HEATR4: variants seen among roughly 807,000 people sequenced by gnomAD.
HEATR4 encodes the protein HEAT repeat containing 4, also known as HEAT repeat-containing protein 4.
HEATR4 carries 95 observed loss-of-function variants against 108.8 expected under a neutral mutation model. The ratio of observed to expected loss-of-function variants is 0.87; its 90% CI spans 0.74 to 1.04. The LOEUF (loss-of-function observed/expected upper bound fraction) is 1.04, where lower values mean the gene tolerates loss of function less well. HEATR4 is among the 50% of genes least tolerant of loss of function. The pLI is 0.00. For missense variants in HEATR4, 1,152 were observed against 1,253.8 expected (o/e 0.92, Z 1.23); for synonymous variants, 443 against 459.4 (o/e 0.96, Z 0.46).
At chr14:73,527,787 G>A (rs901061759) in intron 2 of HEATR4, among the ~76,000 whole-genome samples, 1 of 151,588 alleles carries the variant, frequency 6.6e-6, no homozygotes, top group Non-Finnish European at 1.5e-5. Flanking sequence ...AGACCAGCCC[G>A]GCCAACATGG....
At chr14:73,569,922 T>C in the HEATR4 span, 1 of 1,577,626 alleles carries the variant, frequency 6.3e-7, no homozygotes, top group Non-Finnish European at 8.6e-7. Context: ...TTCGTTCGCC[T>C]TTCACTTTGT....
At chr14:73,506,229 T>C (rs1269301847) in intron 10 of HEATR4, among the ~76,000 whole-genome samples, 1 of 152,184 alleles carries the variant, frequency 6.6e-6, no homozygotes, top group East Asian at 1.9e-4. Context: ...TTTTGTGCTA[T>C]TTCATTGTGG....
At position 73,554,840 on chromosome 14, in the gene HEATR4, T is replaced by A. The variant is rs1230286560; in HGVS notation, c.-152+3911A>T. Among the ~76,000 whole-genome samples the A allele has an allele frequency of 1.8e-5, 2 of 113,914 alleles. 1 individual carries two copies. The highest frequency in any genetic ancestry group is 3.8e-5 in the Non-Finnish European group (2 of 52,114). 74.7% of individuals were successfully genotyped at this position (113,914 alleles called of 152,430 possible). A position where few individuals can be genotyped will look rare whatever the true frequency, so the allele number is the denominator to read the frequency against. ...AAAACCCTTATCAACAAGTGTACAA[T>A]ACTTATCTGAAACTATACGTTTAGA... On this transcript the variant is annotated intron_variant, in intron 1 of 17. Transcript: ENST00000553558.
chr14:73,621,975 C>G, the HEATR4 span, among the ~76,000 whole-genome samples: 2 of 151,874 alleles, frequency 1.3e-5, no homozygotes, highest in African/African-American at 2.4e-5. Flanking sequence ...GTTGCCCGGG[C>G]TGGTCTCCAA....
chr14:73,602,664 CA>C, the HEATR4 span, among the ~76,000 whole-genome samples: 1 of 152,158 alleles, frequency 6.6e-6, no homozygotes, highest in Non-Finnish European at 1.5e-5. Context: ...TGGCAGGCTA[CA>C]ATTATGATTG....
At position 73,514,005 on chromosome 14, in the gene HEATR4, G is replaced by C. The variant is rs1319688017; in HGVS notation, c.1414+26C>G. On this transcript the variant is annotated intron_variant, in intron 6 of 17. Coordinates refer to ENST00000553558, the MANE Select transcript of HEATR4 (RefSeq NM_001220484.1). ...GAGAACCACTTCTCACAAACGTACA[G>C]TATCACAGGACCTCCCTTCACTCAC... The C allele has an allele frequency of 3.1e-6, 5 of 1,607,546 alleles. No homozygotes were observed. The Admixed American group carries it at 8.3e-5, about 27-fold the overall frequency.
the HEATR4 span, among the ~76,000 whole-genome samples, chr14:73,583,222 G>C: frequency 6.6e-6 from 1 of 151,860 alleles, no homozygotes; most frequent in Non-Finnish European, 1.5e-5. Context: ...TGTGCCTGTA[G>C]TCCCACCTAC....
chr14:73,610,405 C>T, the HEATR4 span, among the ~76,000 whole-genome samples: 17 of 152,070 alleles, frequency 1.1e-4, no homozygotes, highest in African/African-American at 3.9e-4. Flanking sequence ...ATTCTCCTGC[C>T]GCCGCCTTCT....
At chr14:73,618,360 G>A in the HEATR4 span, among the ~76,000 whole-genome samples, 1 of 146,218 alleles carries the variant, frequency 6.8e-6, no homozygotes, top group Non-Finnish European at 1.5e-5. Flanking sequence ...CTGCTTCCAG[G>A]CCCTAAGCCT....
the HEATR4 span, among the ~76,000 whole-genome samples, chr14:73,588,605 C>T: frequency 6.6e-6 from 1 of 152,060 alleles, no homozygotes; most frequent in African/African-American, 2.4e-5. Flanking sequence ...GAATCTTCTC[C>T]CTCCTACTCA....
At chr14:73,586,410 A>AT in the HEATR4 span, among the ~76,000 whole-genome samples, 101 of 123,920 alleles carry the variant, frequency 8.2e-4, 1 homozygote, top group African/African-American at 2.1e-3. Flanking sequence ...GAAAAAAAAA[A>AT]TTTTTTTTTA....
At chr14:73,494,194 T>G (rs1328377003) in intron 16 of HEATR4, among the ~76,000 whole-genome samples, 3 of 152,176 alleles carry the variant, frequency 2.0e-5, no homozygotes, top group African/African-American at 7.2e-5. Context: ...AATATTCTCA[T>G]GGTTGGTGGA....
chr14:73,606,388 A>C, the HEATR4 span, among the ~76,000 whole-genome samples: 1,058 of 61,434 alleles, frequency 0.017, 15 homozygotes, highest in African/African-American at 0.037. Context: ...ACAAAACAAA[A>C]AAAAAAAAAA....
chr14:73,591,540 T>TA, the HEATR4 span, among the ~76,000 whole-genome samples: 21,491 of 149,908 alleles, frequency 0.14, 2,061 homozygotes, highest in Non-Finnish European at 0.21. Flanking sequence ...AGACTCTGTT[T>TA]CAAAAAAAAA....
chr14:73,555,447 T>C (rs1041722466), intron 1 of HEATR4, among the ~76,000 whole-genome samples: 3 of 107,580 alleles, frequency 2.8e-5, no homozygotes, highest in African/African-American at 9.8e-5. Context: ...AGGATATTCT[T>C]AGTTAAAAAA....
rs1566832369 is a variant in HEATR4, at chr14:73,509,868, ATT to A, written c.1559-397_1559-396del. On this transcript the variant is annotated intron_variant, in intron 7 of 17. Coordinates refer to ENST00000553558, the MANE Select transcript of HEATR4 (RefSeq NM_001220484.1). ...TATATATATATATATATATATATAT[ATT>A]TATTTATTTTATATATTTTTTGAGA... Among the ~76,000 whole-genome samples the A allele has an allele frequency of 6.3e-4, 45 of 71,386 alleles. 2 individuals carry two copies. The highest frequency in any genetic ancestry group is 8.1e-4 in the Non-Finnish European group (28 of 34,668). 46.8% of individuals were successfully genotyped at this position (71,386 alleles called of 152,430 possible).
rs767920718 is a variant in HEATR4 at position 73,520,908 on chromosome 14, C to T, written c.1013G>A (p.Arg338Gln). 42 of 1,613,872 alleles carry T rather than the reference C, an allele frequency of 2.6e-5. No individual in the cohort carries two copies. The highest frequency in any genetic ancestry group is 1.3e-4 in the African/African-American group (10 of 74,878). ...TGTGGAGTAGGCAAACTTTCCAGCT[C>T]GGGGAGTCACCTGGCGAAAGTAGCT... ...TQSYFRQVTP[R>Q]AGKFAYSTDN... The change falls in exon 4 of 18, where the codon CGA (arginine) becomes CAA (glutamine). Residue 338 changes from arginine to glutamine, a missense_variant. Physicochemically the swap from Arg to Gln is conservative, Grantham distance 43 (BLOSUM62 1). Transcript: ENST00000553558.
At chr14:73,535,507 T>C (rs1320025547) in intron 1 of HEATR4, among the ~76,000 whole-genome samples, 1 of 69,436 alleles carries the variant, frequency 1.4e-5, no homozygotes, top group African/African-American at 5.7e-5. Context: ...TTTTTTTTTT[T>C]GCCCAGGCTG....
chr14:73,525,202 T>C (rs1045689041), intron 2 of HEATR4, among the ~76,000 whole-genome samples: 1 of 152,006 alleles, frequency 6.6e-6, no homozygotes, highest in Non-Finnish European at 1.5e-5. Flanking sequence ...CAGCTATCTG[T>C]TTTTTATTTT....
Sources: allele counts gnomAD v4.1 joint callset (sites outside exome capture counted in the v4.1 genomes callset), GRCh38; gene constraint gnomAD v4.1.1; transcripts MANE v1.5; gene names NCBI Gene and HGNC (gene_info 2026-07-23, HGNC 2026-07-21).